Variants in CLSTN2 observed in about 807,000 individuals in gnomAD.
CLSTN2 encodes calsyntenin 2, also known as calsyntenin-2.
A neutral mutation model predicts 101.2 loss-of-function variants in CLSTN2; 48 were observed. That is an observed-to-expected ratio of 0.47 (90% CI 0.38 to 0.60). The LOEUF is 0.60. CLSTN2 is among the 20% of genes least tolerant of loss of function. The probability of loss-of-function intolerance (pLI) is 0.00; values close to 1 mark genes in which losing one functional copy is unlikely to be tolerated. For synonymous variants in CLSTN2, 481 were observed against 463.6 expected (o/e 1.04, Z -0.48); for missense variants, 1,160 against 1,238.2 (o/e 0.94, Z 0.95).
chr3:140,145,986 T>C (rs1156462876), intron 1 of CLSTN2, among the ~76,000 whole-genome samples: 1 of 152,090 alleles, frequency 6.6e-6, no homozygotes, highest in Non-Finnish European at 1.5e-5. Flanking sequence ...TTTCTGGGAG[T>C]TAGTTGGATG....
chr3:139,935,493 G>A lies in CLSTN2; in HGVS notation c.109+10G>A. 8.2e-7 allele frequency: 1 copy of A among 1,213,328 alleles called. No individual in the cohort carries two copies. 75.2% of individuals were successfully genotyped at this position (1,213,328 alleles called of 1,614,324 possible). On this transcript the variant is annotated intron_variant, in intron 1 of 16. Coordinates refer to ENST00000458420, the MANE Select transcript of CLSTN2 (RefSeq NM_022131.3). This position sits in a 1 kb window ranked among gnomAD's most constrained non-coding sequence, Gnocchi z 5.5. ...CTCCTCGCGGCTAAAGGTGGGTGCT[G>A]GGGAAGTTTGCTCTTCTCCCAGGAG...
intron 5 of CLSTN2, among the ~76,000 whole-genome samples, chr3:140,447,560 A>G (rs1301759466): frequency 2.6e-5 from 4 of 152,156 alleles, no homozygotes; most frequent in African/African-American, 4.8e-5. Flanking sequence ...CTAATGCTTT[A>G]TCATTTCCAC....
At chr3:140,237,887 C>T (rs1451132687) in intron 2 of CLSTN2, among the ~76,000 whole-genome samples, 2 of 152,100 alleles carry the variant, frequency 1.3e-5, no homozygotes, top group Non-Finnish European at 2.9e-5. Context: ...TTTACCCAAG[C>T]TTGCACAGTT....
chr3:140,515,751 T>A (rs557534370), intron 8 of CLSTN2, among the ~76,000 whole-genome samples: 21 of 152,304 alleles, frequency 1.4e-4, no homozygotes, highest in South Asian at 6.2e-4. Context: ...TCAATTTTTT[T>A]AAAATGTATT....
intron 2 of CLSTN2, among the ~76,000 whole-genome samples, chr3:140,259,611 G>A (rs924278319): frequency 2.6e-5 from 4 of 152,016 alleles, no homozygotes; most frequent in African/African-American, 9.7e-5. Context: ...GTTTTCCCTT[G>A]CCTCTTTGTA....
intron 2 of CLSTN2, among the ~76,000 whole-genome samples, chr3:140,214,924 G>A (rs975309270): frequency 4.6e-5 from 7 of 152,172 alleles, no homozygotes; most frequent in South Asian, 4.1e-4. Flanking sequence ...TTATATGCAC[G>A]TTAATCATAA....
At chr3:140,528,335 C>T (rs4683505) in intron 8 of CLSTN2, among the ~76,000 whole-genome samples, 10,694 of 152,208 alleles carry the variant, frequency 0.07, 738 homozygotes, top group East Asian at 0.3. Context: ...AGTTTCAGAT[C>T]TCTCCTTGCA....
intron 1 of CLSTN2, among the ~76,000 whole-genome samples, chr3:140,094,785 G>T (rs1217758746): frequency 6.6e-6 from 1 of 152,208 alleles, no homozygotes; most frequent in Non-Finnish European, 1.5e-5. Context: ...CTGTCAGGGG[G>T]CTCTCCTTGA....
intron 2 of CLSTN2, among the ~76,000 whole-genome samples, chr3:140,291,854 C>T (rs775379631): frequency 3.9e-5 from 6 of 152,028 alleles, no homozygotes; most frequent in Non-Finnish European, 7.3e-5. Flanking sequence ...TGCCCATTAA[C>T]ACCACAGTAC....
intron 2 of CLSTN2, among the ~76,000 whole-genome samples, chr3:140,275,824 G>C (rs552348017): frequency 6.6e-6 from 1 of 152,300 alleles, no homozygotes; most frequent in African/African-American, 2.4e-5. Flanking sequence ...AAAGGGTACA[G>C]ACAATTAATG....
intron 2 of CLSTN2, among the ~76,000 whole-genome samples, chr3:140,269,981 G>A (rs1418886538): frequency 1.3e-5 from 2 of 152,188 alleles, no homozygotes; most frequent in African/African-American, 4.8e-5. Context: ...AAACAAGAAA[G>A]AGGAAAAGCG....
At position 140,296,793 on chromosome 3, in the gene CLSTN2, G is replaced by A. The variant is rs535401806; in HGVS notation, c.233-106836G>A. Reference sequence around the variant, plus strand: ...TAGCAAAGGCTATATTGTCACATTCGTTTTTCTGTTAGTTCCTCATAACCT... The same window carrying A: ...TAGCAAAGGCTATATTGTCACATTCATTTTTCTGTTAGTTCCTCATAACCT... On this transcript the variant is annotated intron_variant, in intron 2 of 16. Coordinates refer to ENST00000458420, the MANE Select transcript of CLSTN2 (RefSeq NM_022131.3). Among the ~76,000 whole-genome samples the A allele has an allele frequency of 2.0e-5, 3 of 152,242 alleles. No homozygotes were observed. In the East Asian group the frequency reaches 5.8e-4, roughly 29 times the overall value.
intron 8 of CLSTN2, among the ~76,000 whole-genome samples, chr3:140,472,256 T>C (rs530480038): frequency 7.9e-4 from 121 of 152,332 alleles, no homozygotes; most frequent in African/African-American, 2.9e-3. Flanking sequence ...CACATTTGTC[T>C]TGGGCCAGAG....
intron 2 of CLSTN2, among the ~76,000 whole-genome samples, chr3:140,244,831 T>C (rs1345225993): frequency 1.3e-5 from 2 of 152,270 alleles, no homozygotes; most frequent in African/African-American, 4.8e-5. Flanking sequence ...GTTTATTCTC[T>C]GTAACACTCC....
intron 9 of CLSTN2, among the ~76,000 whole-genome samples, chr3:140,546,232 C>T (rs61087365): frequency 0.18 from 27,261 of 152,196 alleles, 3,074 homozygotes; most frequent in African/African-American, 0.32. Flanking sequence ...TTTTCACTCA[C>T]GAGAGCCCTC....
intron 5 of CLSTN2, among the ~76,000 whole-genome samples, chr3:140,434,984 T>C (rs1231719218): frequency 6.6e-6 from 1 of 152,214 alleles, no homozygotes; most frequent in Non-Finnish European, 1.5e-5. Flanking sequence ...GATGTTTTGA[T>C]ACAGGAATGC....
intron 8 of CLSTN2, among the ~76,000 whole-genome samples, chr3:140,512,979 G>A (rs1358779797): frequency 6.6e-6 from 1 of 152,100 alleles, no homozygotes; most frequent in Non-Finnish European, 1.5e-5. Flanking sequence ...CTGAGACTTT[G>A]CTGAAGTTGC....
intron 1 of CLSTN2, among the ~76,000 whole-genome samples, chr3:139,956,840 C>T (rs1935411085): frequency 6.6e-6 from 1 of 152,016 alleles, no homozygotes; most frequent in African/African-American, 2.4e-5. Context: ...ATCCTTTTGC[C>T]TCACCCTCAC....
At chr3:140,115,990 G>T (rs1353647410) in intron 1 of CLSTN2, among the ~76,000 whole-genome samples, 1 of 152,208 alleles carries the variant, frequency 6.6e-6, no homozygotes, top group Non-Finnish European at 1.5e-5. Context: ...CTGTCCCGGA[G>T]CAGGAGTGGC....
Sources: gnomAD v4.1 joint callset for allele counts (sites outside exome capture counted in the v4.1 genomes callset) on GRCh38, gnomAD v4.1.1 for gene constraint, Gnocchi (gnomAD v3.1) non-coding constraint, MANE v1.5 for transcripts, NCBI Gene and HGNC (gene_info 2026-07-23, HGNC 2026-07-21) for gene names.